The following NOTCH2 variants were observed in gnomAD, a reference collection of about 807,000 sequenced individuals.
The protein encoded by NOTCH2 is notch receptor 2.
NOTCH2 carries 29 observed loss-of-function variants against 235.8 expected under a neutral mutation model. The observed-to-expected ratio is 0.12, with a 90% confidence interval of 0.09 to 0.17. The LOEUF (loss-of-function observed/expected upper bound fraction) is 0.17. Ranked by LOEUF, NOTCH2 falls within the 10% of genes least tolerant of loss-of-function variation. NOTCH2 has a pLI of 1.00. For synonymous variants in NOTCH2, 1,086 were observed against 1,141.5 expected (o/e 0.95, Z 0.98); for missense variants, 2,285 against 3,150.2 (o/e 0.73, Z 6.57).
chr1:119,932,861 C>T (rs1649717644), intron 22 of NOTCH2, among the ~76,000 whole-genome samples: 1 of 151,988 alleles, frequency 6.6e-6, no homozygotes, highest in Non-Finnish European at 1.5e-5. Flanking sequence ...CACAAACAAC[C>T]AAAAGTGGCG....
intron 1 of NOTCH2, among the ~76,000 whole-genome samples, chr1:120,067,377 G>A (rs1655548034): frequency 6.6e-6 from 1 of 151,546 alleles, no homozygotes; most frequent in Non-Finnish European, 1.5e-5. Context: ...GCTAATAATC[G>A]CAGCACCTCA....
chr1:120,015,356 G>A (rs1422930647), intron 2 of NOTCH2, among the ~76,000 whole-genome samples: 3 of 152,084 alleles, frequency 2.0e-5, no homozygotes, highest in African/African-American at 7.3e-5. Flanking sequence ...GCTCTAGAGG[G>A]GGGAGCTGTC....
chr1:119,967,725 C>CA (rs1557825890), intron 7 of NOTCH2, 104 bp from the exon 8 acceptor site: 1 of 958,940 alleles, frequency 1.0e-6, no homozygotes, highest in Non-Finnish European at 1.7e-6. Context: ...GCCAGGCCTT[C>CA]AATAATATCA....
At chr1:119,939,226 C>T (rs1223145703) in intron 19 of NOTCH2, among the ~76,000 whole-genome samples, 1 of 152,186 alleles carries the variant, frequency 6.6e-6, no homozygotes, top group African/African-American at 2.4e-5. Flanking sequence ...AACAAAATGA[C>T]ACCGAAGGAA....
Position 119,948,467 on chromosome 1 carries a change from G to A in NOTCH2, c.2699C>T (p.Pro900Leu), listed in dbSNP as rs2101114444. Residue 900 changes from proline to leucine, a missense_variant, in exon 17 of 34, where the codon CCA (proline) becomes CTA (leucine). By Grantham distance (98) the Pro-to-Leu change is moderately conservative (BLOSUM62 -3). Coordinates refer to ENST00000256646, the MANE Select transcript of NOTCH2 (RefSeq NM_024408.4). ...NTQGSYMCECPPGFSGMDCEE... is the reference protein window; with the variant it reads ...NTQGSYMCECLPGFSGMDCEE... The stretch of plus-strand genomic sequence containing the variant: ...ACAGTCCATACCACTGAAGCCTGGT[G>A]GACATTCACACATGTAGCTGCCCTG... 1.2e-6 allele frequency: 2 copies of A among 1,614,146 alleles called. No homozygotes were observed. Among genetic ancestry groups the A allele is most frequent in the Non-Finnish European group, 1.7e-6 (2 of 1,180,028 alleles).
intron 24 of NOTCH2, 137 bp from the exon 25 acceptor site, chr1:119,925,947 G>A (rs1326458606): frequency 9.4e-7 from 1 of 1,058,374 alleles, no homozygotes; most frequent in Non-Finnish European, 1.4e-6. Flanking sequence ...TTACTAGACA[G>A]GTTTCCTTTT....
At chr1:119,969,151 C>T (rs1454834682) in intron 6 of NOTCH2, among the ~76,000 whole-genome samples, 1 of 152,208 alleles carries the variant, frequency 6.6e-6, no homozygotes, top group Admixed American at 6.5e-5. Flanking sequence ...TAGATGGTTT[C>T]TTCTTAAAAT....
At chr1:119,920,666 C>A (rs946343082) in intron 29 of NOTCH2, among the ~76,000 whole-genome samples, 1 of 152,198 alleles carries the variant, frequency 6.6e-6, no homozygotes, top group Admixed American at 6.5e-5. Context: ...GCACCCAATT[C>A]TCACTTTTCC....
At position 119,967,473 on chromosome 1, in the gene NOTCH2, A is replaced by G; in HGVS notation, c.1413T>C (p.Cys471=). 1.2e-6 allele frequency: 2 copies of G among 1,614,136 alleles called. No individual in the cohort carries two copies. The highest frequency in any genetic ancestry group is 1.7e-6 in the Non-Finnish European group (2 of 1,179,984). Residue 471 remains cysteine (C), a synonymous_variant, in exon 8 of 34, where the codon TGT becomes TGC. Coordinates refer to ENST00000256646, the MANE Select transcript of NOTCH2 (RefSeq NM_024408.4). ...ATGTGAAGCCTCCAATCTTATCCAG[A>G]CAGGTAGCATCATTCTGGCAGGGGT... is the stretch of plus-strand genomic sequence containing the variant. ...HSDPCQNDAT[C]LDKIGGFTCL... is the part of the protein sequence containing the mutation.
chr1:119,939,759 A>G (rs1375116599), intron 19 of NOTCH2, among the ~76,000 whole-genome samples: 3 of 152,326 alleles, frequency 2.0e-5, no homozygotes, highest in Middle Eastern at 3.4e-3. Flanking sequence ...TAGGAGCCCA[A>G]CCAAAAATGC....
At chr1:119,979,119 G>A (rs1229659604) in intron 5 of NOTCH2, among the ~76,000 whole-genome samples, 1 of 152,134 alleles carries the variant, frequency 6.6e-6, no homozygotes, top group East Asian at 1.9e-4. Flanking sequence ...GGGGCTGAGA[G>A]GCAGGCAGAA....
chr1:119,921,390 T>C (rs1649280553), intron 29 of NOTCH2, among the ~76,000 whole-genome samples: 1 of 152,216 alleles, frequency 6.6e-6, no homozygotes, highest in African/African-American at 2.4e-5. Flanking sequence ...CCATAAAGGA[T>C]AAGGAAGAGA....
intron 2 of NOTCH2, among the ~76,000 whole-genome samples, chr1:120,009,194 A>T (rs3879969): frequency 0.032 from 4,869 of 151,884 alleles, 108 homozygotes; most frequent in Non-Finnish European, 0.046. Context: ...AATAGATGAG[A>T]GCTGTAACTG....
intron 3 of NOTCH2, among the ~76,000 whole-genome samples, chr1:120,004,878 T>C (rs1652901067): frequency 6.6e-6 from 1 of 152,142 alleles, no homozygotes; most frequent in Non-Finnish European, 1.5e-5. Flanking sequence ...GCTCAAGCAA[T>C]TCTTCCACTT....
At chr1:119,919,284 T>C (rs1288578286) in intron 31 of NOTCH2, 28 bp downstream of exon 31, 2 of 1,590,170 alleles carry the variant, frequency 1.3e-6, no homozygotes, top group African/African-American at 2.7e-5. Flanking sequence ...GGAATTATTA[T>C]TCAAGTGACT....
At chr1:119,969,091 G>A (rs1553200061) in intron 6 of NOTCH2, among the ~76,000 whole-genome samples, 1 of 152,212 alleles carries the variant, frequency 6.6e-6, no homozygotes, top group Non-Finnish European at 1.5e-5. Flanking sequence ...AGACATTGAG[G>A]GTTAGAAGGC....
intron 3 of NOTCH2, among the ~76,000 whole-genome samples, chr1:119,998,118 C>T (rs1207917094): frequency 4.9e-5 from 7 of 142,480 alleles, no homozygotes; most frequent in African/African-American, 1.1e-4. Flanking sequence ...CACAGATACA[C>T]CAAGTTTGCT....
chr1:119,976,184 A>G (rs900405302), intron 5 of NOTCH2, among the ~76,000 whole-genome samples: 17 of 151,956 alleles, frequency 1.1e-4, no homozygotes, highest in South Asian at 2.1e-4. Context: ...TCCATCTCCT[A>G]TATACCTTTC....
In NOTCH2 at chr1:119,918,572, C is replaced by T. The variant is rs774044077; in HGVS notation, c.5782-19G>A. 5.0e-6 allele frequency: 8 copies of T among 1,613,476 alleles called. No individual in the cohort carries two copies. Among genetic ancestry groups the T allele is most frequent in the East Asian group, 2.2e-5 (1 of 44,880 alleles). ...TCAGAATCTAGAAGAGGAGAAAGTACAGAAAAGAGAGTCACCTGGATGAAG... is the reference window on the plus strand; with the variant it reads ...TCAGAATCTAGAAGAGGAGAAAGTATAGAAAAGAGAGTCACCTGGATGAAG... On this transcript the variant is annotated intron_variant, in intron 31 of 33. Transcript: ENST00000256646.
Sources: allele counts gnomAD v4.1 joint callset (sites outside exome capture counted in the v4.1 genomes callset), GRCh38; gene constraint gnomAD v4.1.1; transcripts MANE v1.5; gene names NCBI Gene and HGNC (gene_info 2026-07-23, HGNC 2026-07-21).